ZMIZ2: variants seen among roughly 807,000 people sequenced by gnomAD.
ZMIZ2 encodes zinc finger MIZ domain-containing protein 2.
A neutral mutation model predicts 93.9 loss-of-function variants in ZMIZ2; 26 were observed. The observed-to-expected ratio is 0.28, with a 90% CI of 0.20 to 0.38. The LOEUF (loss-of-function observed/expected upper bound fraction) is 0.38, where lower values mean the gene tolerates loss of function less well. Ranked by LOEUF, ZMIZ2 falls within the 10% of genes least tolerant of loss-of-function variation. The probability of loss-of-function intolerance (pLI) is 1.00; values close to 1 mark genes in which losing one functional copy is unlikely to be tolerated. For missense variants in ZMIZ2, 1,023 were observed against 1,235.0 expected (o/e 0.83, Z 2.57); for synonymous variants, 485 against 516.4 (o/e 0.94, Z 0.82).
intron 9 of ZMIZ2, among the ~76,000 whole-genome samples, 162 bp downstream of exon 9, chr7:44,760,755 C>T (rs560610869): frequency 1.2e-4 from 18 of 151,648 alleles, no homozygotes; most frequent in Non-Finnish European, 2.4e-4. Flanking sequence ...GTAATCCCAG[C>T]ACCTTCGGAG....
In ZMIZ2 at chr7:44,757,393, G is replaced by A. The variant is rs200392431; in HGVS notation, c.384G>A (p.Pro128=). The change falls in exon 5 of 19, where the codon CCG becomes CCA. Residue 128 remains proline, a synonymous_variant. Transcript: ENST00000309315. ...TCTCCTGCAGGTATGCAGGCGGCCC[G>A]GGGGGCCTGGGCCTCCCCTCACATG... is the stretch of plus-strand genomic sequence containing the variant. ...PGFTTGYAGG[P]GGLGLPSHAA... is the part of the protein sequence containing the mutation. 669 of 1,600,690 alleles carry A rather than the reference G, an allele frequency of 4.2e-4. 6 individuals are homozygous for A. Among genetic ancestry groups the A allele is most frequent in the Admixed American group, 1.1e-3 (68 of 59,828 alleles).
intron 11 of ZMIZ2, 148 bp downstream of exon 11, chr7:44,762,053 G>A (rs926477651): frequency 2.8e-6 from 3 of 1,061,712 alleles, no homozygotes; most frequent in Middle Eastern, 3.3e-4. Context: ...TGGGCGGGCC[G>A]GCCTGCAGCA....
Position 44,765,068 on chromosome 7 carries a change from C to A in ZMIZ2, c.1997+59C>A. 6.3e-7 allele frequency: 1 copy of A among 1,596,716 alleles called. No homozygotes were observed. The highest frequency in any genetic ancestry group is 8.6e-7 in the Non-Finnish European group (1 of 1,164,968). On this transcript the variant is annotated intron_variant, in intron 15 of 18. Transcript: ENST00000309315. The surrounding 1 kb of genome is among the most constrained non-coding windows in gnomAD (Gnocchi z 4.1). ...TGGCCACTGGAGGGCAGCCCCAGGA[C>A]ATGTCGGGGGATGTCCCTTGCCAAG... is the stretch of plus-strand genomic sequence containing the variant.
chr7:44,757,838 C>T lies in ZMIZ2; in HGVS notation c.553-10C>T. On this transcript the variant is annotated splice_polypyrimidine_tract_variant and intron_variant, in intron 5 of 18. Coordinates refer to ENST00000309315, the MANE Select transcript of ZMIZ2 (RefSeq NM_031449.4). ...GGGACCTGGACCATTCTTCTTTTTTCTCTTCCTAGATGGGGGCCGGACAGT... is the reference window on the plus strand; with the variant it reads ...GGGACCTGGACCATTCTTCTTTTTTTTCTTCCTAGATGGGGGCCGGACAGT... 1.3e-6 allele frequency: 2 copies of T among 1,537,124 alleles called. No individual in the cohort carries two copies. Among genetic ancestry groups the T allele is most frequent in the East Asian group, 2.3e-5 (1 of 43,948 alleles).
intron 7 of ZMIZ2, chr7:44,759,714 T>C (rs1450249687): frequency 1.8e-5 from 8 of 451,410 alleles, no homozygotes; most frequent in Non-Finnish European, 3.1e-5. Flanking sequence ...AAGATTCATA[T>C]ATCTCAGGGG....
chr7:44,766,203 T>TTCCCCCC lies in ZMIZ2; in HGVS notation c.2282_2283insTCCCCCC (p.Thr764ProfsTer12). Reference sequence around the variant, plus strand: ...GGGCCTGGAACTTTCCCTGAGTCCTTCCCACCCACCACGCCCAGCACCCCA... The same window carrying TTCCCCCC: ...GGGCCTGGAACTTTCCCTGAGTCCTTTCCCCCCCCCACCCACCACGCCCAGCACCCCA... On this transcript the variant is annotated frameshift_variant, in exon 17 of 19. Coordinates refer to ENST00000309315, the MANE Select transcript of ZMIZ2 (RefSeq NM_031449.4). LOFTEE classifies it high-confidence loss of function. The surrounding 1 kb of genome is among the most constrained non-coding windows in gnomAD (Gnocchi z 4.4). The TTCCCCCC allele has an allele frequency of 6.3e-7, 1 of 1,598,506 alleles. No individual in the cohort carries two copies. Among genetic ancestry groups the TTCCCCCC allele is most frequent in the Non-Finnish European group, 8.6e-7 (1 of 1,167,530 alleles).
chr7:44,758,240 G>A (rs1790791803), intron 6 of ZMIZ2, 132 bp downstream of exon 6: 1 of 1,214,734 alleles, frequency 8.2e-7, no homozygotes, highest in African/African-American at 1.6e-5. Context: ...TGCACTTTGG[G>A]AAACCAAGGA....
chr7:44,756,348 G>A, intron 2 of ZMIZ2, 49 bp downstream of exon 2: 1 of 1,613,948 alleles, frequency 6.2e-7, no homozygotes, highest in Non-Finnish European at 8.5e-7. Context: ...GGTTGGGGGT[G>A]GCATTTCTGG....
In ZMIZ2 at chr7:44,756,170, T is replaced by C; in HGVS notation, c.-62-18T>C. 1 of 1,603,880 alleles carries C rather than the reference T, an allele frequency of 6.2e-7. No individual in the cohort carries two copies. Among genetic ancestry groups the C allele is most frequent in the African/African-American group, 1.3e-5 (1 of 74,808 alleles). On this transcript the variant is annotated intron_variant, in intron 1 of 18. Transcript: ENST00000309315. ...CTGGCTGCATCGCAGCTAACATCCCTTCCTTCCTGTCGGGCAGCCAGAGCA... is the reference window on the plus strand; with the variant it reads ...CTGGCTGCATCGCAGCTAACATCCCCTCCTTCCTGTCGGGCAGCCAGAGCA...
rs981291730 is a variant in ZMIZ2 at position 44,756,182 on chromosome 7, G to A, written c.-62-6G>A. 38 of 1,609,336 alleles carry A rather than the reference G, an allele frequency of 2.4e-5. No individual in the cohort carries two copies. The highest frequency in any genetic ancestry group is 5.5e-5 in the South Asian group (5 of 90,920). On this transcript the variant is annotated splice_region_variant and splice_polypyrimidine_tract_variant and intron_variant, in intron 1 of 18. Transcript: ENST00000309315. ...CAGCTAACATCCCTTCCTTCCTGTCGGGCAGCCAGAGCAGCTGAGTTCCAG... is the reference window on the plus strand; with the variant it reads ...CAGCTAACATCCCTTCCTTCCTGTCAGGCAGCCAGAGCAGCTGAGTTCCAG...
chr7:44,763,119 G>C lies in ZMIZ2; in HGVS notation c.1702+133G>C. ...CCTTGGACAGGTGGCTCTGCAGTAG[G>C]GGCAGTGGTTAGTTCCAGGTGGCCC... On this transcript the variant is annotated intron_variant, in intron 12 of 18. Transcript: ENST00000309315. The surrounding 1 kb of genome is among the most constrained non-coding windows in gnomAD (Gnocchi z 5.6). 3 of 1,444,626 alleles carry C rather than the reference G, an allele frequency of 2.1e-6. No individual in the cohort carries two copies. Among genetic ancestry groups the C allele is most frequent in the Non-Finnish European group, 2.9e-6 (3 of 1,052,578 alleles). 89.5% of individuals were successfully genotyped at this position (1,444,626 alleles called of 1,614,324 possible). A position where few individuals can be genotyped will look rare whatever the true frequency, so the allele number is the denominator to read the frequency against.
At position 44,766,615 on chromosome 7, in the gene ZMIZ2, G is replaced by A; in HGVS notation, c.2607G>A (p.Gly869=). 2 of 1,613,322 alleles carry A rather than the reference G, an allele frequency of 1.2e-6. No individual in the cohort carries two copies. Among genetic ancestry groups the A allele is most frequent in the Non-Finnish European group, 8.5e-7 (1 of 1,180,006 alleles). Residue 869 remains glycine, a synonymous_variant, in exon 18 of 19, where the codon GGG becomes GGA. Coordinates refer to ENST00000309315, the MANE Select transcript of ZMIZ2 (RefSeq NM_031449.4). The surrounding 1 kb of genome is among the most constrained non-coding windows in gnomAD (Gnocchi z 4.4). ...LAFSPATGVM[G]PPSMSGAGEA... ...TCAGTCCTGCCACAGGCGTGATGGG[G>A]CCCCCCAGCATGTCTGGAGCCGGGG...
intron 13 of ZMIZ2, 119 bp from the exon 14 acceptor site, chr7:44,764,300 C>T: frequency 1.1e-6 from 1 of 887,988 alleles, no homozygotes; most frequent in Non-Finnish European, 1.8e-6. Flanking sequence ...CTGGTACATG[C>T]AGTATCTCAG....
intron 7 of ZMIZ2, chr7:44,759,880 C>T (rs775110354): frequency 3.2e-5 from 17 of 536,256 alleles, no homozygotes; most frequent in Non-Finnish European, 5.3e-5. Context: ...GCAGAGCCTA[C>T]CTCCCTGGGA....
chr7:44,767,593 C>A lies in ZMIZ2; in HGVS notation c.2733C>A (p.Asp911Glu). ...CCGACCTCCCTACGAACAACAATGA[C>A]GACCTGCTTTCTCTGTTTGAGAACA... ...GPPDLPTNNNDDLLSLFENN is the reference protein window; with the variant it reads ...GPPDLPTNNNEDLLSLFENN Residue 911 changes from aspartate (D) to glutamate (E), a missense_variant, in exon 19 of 19, where the codon GAC becomes GAA. By Grantham distance (45) the Asp-to-Glu change is conservative. Transcript: ENST00000309315. 6.2e-7 allele frequency: 1 copy of A among 1,614,172 alleles called. No homozygotes were observed.
intron 9 of ZMIZ2, among the ~76,000 whole-genome samples, chr7:44,760,848 TAAAA>T (rs11323295): frequency 3.7e-5 from 5 of 136,130 alleles, no homozygotes; most frequent in Admixed American, 1.5e-4. Flanking sequence ...GACCCTGTCT[TAAAA>T]AAAAAAAAAA....
chr7:44,763,192 T>C lies in ZMIZ2; in HGVS notation c.1703-64T>C. ...TGACTGGGTCCCTGCCTCGTTGGCA[T>C]CCCCATTCACACCTCCCCATCTTGG... On this transcript the variant is annotated intron_variant, in intron 12 of 18. Transcript: ENST00000309315. The surrounding 1 kb of genome is among the most constrained non-coding windows in gnomAD (Gnocchi z 5.6). The C allele has an allele frequency of 6.3e-7, 1 of 1,583,866 alleles. No individual in the cohort carries two copies. The highest frequency in any genetic ancestry group is 8.6e-7 in the Non-Finnish European group (1 of 1,160,906).
In ZMIZ2 at chr7:44,759,470, G is replaced by A. The variant is rs773517138; in HGVS notation, c.993+10G>A. 2 of 1,483,360 alleles carry A rather than the reference G, an allele frequency of 1.3e-6. No homozygotes were observed. The highest frequency in any genetic ancestry group is 1.4e-5 in the South Asian group (1 of 73,060). 91.9% of individuals were successfully genotyped at this position (1,483,360 alleles called of 1,614,324 possible). A position where few individuals can be genotyped will look rare whatever the true frequency, so the allele number is the denominator to read the frequency against. On this transcript the variant is annotated intron_variant, in intron 7 of 18. Coordinates refer to ENST00000309315, the MANE Select transcript of ZMIZ2 (RefSeq NM_031449.4). Reference sequence around the variant, plus strand: ...GGGACTGCATTATAAGGTAGGGCAGGCTCCTCCAGGCCCTGTGCCGGGCTC... The same window carrying A: ...GGGACTGCATTATAAGGTAGGGCAGACTCCTCCAGGCCCTGTGCCGGGCTC...
At chr7:44,767,313 A>G (rs1056586336) in intron 18 of ZMIZ2, among the ~76,000 whole-genome samples, 1 of 152,120 alleles carries the variant, frequency 6.6e-6, no homozygotes, top group Non-Finnish European at 1.5e-5. Context: ...GCAACCTTGC[A>G]GGGAGGTCCC....
Sources: gnomAD v4.1 joint callset for allele counts (sites outside exome capture counted in the v4.1 genomes callset) on GRCh38, gnomAD v4.1.1 for gene constraint, Gnocchi (gnomAD v3.1) non-coding constraint, MANE v1.5 for transcripts, NCBI Gene and HGNC (gene_info 2026-07-23, HGNC 2026-07-21) for gene names.